The following UBE2E1 variants were observed in gnomAD, a reference collection of about 807,000 sequenced individuals.
The protein encoded by UBE2E1 is ubiquitin conjugating enzyme E2 E1, also known as ubiquitin-conjugating enzyme E2 E1.
In UBE2E1, 6 loss-of-function variants were observed where a neutral mutation model predicts 21.4. That is an observed-to-expected ratio of 0.28 (90% CI 0.15 to 0.55). The LOEUF (loss-of-function observed/expected upper bound fraction) is 0.55. Ranked by LOEUF, UBE2E1 falls within the 20% of genes least tolerant of loss-of-function variation. The pLI is 0.93. For synonymous variants in UBE2E1, 87 were observed against 82.7 expected (o/e 1.05, Z -0.28); for missense variants, 142 against 236.5 (o/e 0.60, Z 2.62).
At chr3:23,857,357 A>G (rs1700464976) in intron 3 of UBE2E1, among the ~76,000 whole-genome samples, 1 of 152,224 alleles carries the variant, frequency 6.6e-6, no homozygotes, top group Non-Finnish European at 1.5e-5. Context: ...TATCTTAGAA[A>G]GAAGCACACA....
rs930257008 is a variant in UBE2E1, at chr3:23,836,144, C to T, written c.203+24634C>T. On this transcript the variant is annotated intron_variant, in intron 3 of 5. Coordinates refer to ENST00000306627, the MANE Select transcript of UBE2E1 (RefSeq NM_003341.5). This position sits in a 1 kb window ranked among gnomAD's most constrained non-coding sequence, Gnocchi z 4.1. ...AGGATATAGATGAAATACATTGAAA[C>T]AGCAAGAAGTTAAAGCATTTTAAAA... 6.6e-6 allele frequency among the ~76,000 whole-genome samples: 1 copy of T among 152,138 alleles called. No individual in the cohort carries two copies. Among genetic ancestry groups the T allele is most frequent in the Non-Finnish European group, 1.5e-5 (1 of 68,014 alleles).
intron 3 of UBE2E1, among the ~76,000 whole-genome samples, chr3:23,860,216 G>A (rs889563067): frequency 6.6e-6 from 1 of 152,184 alleles, no homozygotes; most frequent in Admixed American, 6.5e-5. Context: ...GAAGATGAAC[G>A]TTCTGACCCG....
At position 23,810,022 on chromosome 3, in the gene UBE2E1, C is replaced by CT. The variant is rs1210766025; in HGVS notation, c.153-1437dup. 6.6e-6 allele frequency among the ~76,000 whole-genome samples: 1 copy of CT among 152,192 alleles called. No individual in the cohort carries two copies. The highest frequency in any genetic ancestry group is 6.5e-5 in the Admixed American group (1 of 15,278). On this transcript the variant is annotated intron_variant, in intron 2 of 5. Transcript: ENST00000306627. The surrounding 1 kb of genome is among the most constrained non-coding windows in gnomAD (Gnocchi z 5.8). ...CCTCCAGTAGGAAGGTTTATAGAAC[C>CT]TCCCCCAGTCGTCGTCCTTAAAACC...
intron 3 of UBE2E1, among the ~76,000 whole-genome samples, chr3:23,847,529 C>CT (rs1345127084): frequency 8.1e-6 from 1 of 122,942 alleles, no homozygotes; most frequent in Non-Finnish European, 1.6e-5. Flanking sequence ...GAGTCTCGCT[C>CT]TGTCACCCAG....
At chr3:23,852,810 G>A (rs1700354470) in intron 3 of UBE2E1, among the ~76,000 whole-genome samples, 1 of 152,064 alleles carries the variant, frequency 6.6e-6, no homozygotes, top group Non-Finnish European at 1.5e-5. Flanking sequence ...TCACCATGTT[G>A]CCCAGGCTGG....
chr3:23,826,697 A>G (rs942757455), intron 3 of UBE2E1, among the ~76,000 whole-genome samples: 1 of 152,170 alleles, frequency 6.6e-6, no homozygotes, highest in Non-Finnish European at 1.5e-5. Context: ...TTTGGTAGAT[A>G]CTTTTGTGGA....
At chr3:23,889,873 T>C (rs1423820033) in intron 5 of UBE2E1, 5 of 466,926 alleles carry the variant, frequency 1.1e-5, no homozygotes, top group Non-Finnish European at 1.4e-5. Flanking sequence ...CCAGCCTGGG[T>C]GGCAAAGCGA....
chr3:23,818,015 G>A (rs901434374), intron 3 of UBE2E1, among the ~76,000 whole-genome samples: 1 of 152,172 alleles, frequency 6.6e-6, no homozygotes, highest in Non-Finnish European at 1.5e-5. Context: ...AGTAGTTAAG[G>A]TGGAAGGTCA....
chr3:23,827,239 G>A (rs1425497777), intron 3 of UBE2E1, among the ~76,000 whole-genome samples: 1 of 151,886 alleles, frequency 6.6e-6, no homozygotes, highest in Non-Finnish European at 1.5e-5. Context: ...GGTGAATTTT[G>A]GTAATTCTAA....
In UBE2E1 at chr3:23,810,070, G is replaced by A. The variant is rs73050576; in HGVS notation, c.153-1390G>A. Reference sequence around the variant, plus strand: ...ACCTGTTCCTCATTACATATAGCTCGTCCGTCCTCCTACCCGCAGAAAACC... The same window carrying A: ...ACCTGTTCCTCATTACATATAGCTCATCCGTCCTCCTACCCGCAGAAAACC... On this transcript the variant is annotated intron_variant, in intron 2 of 5. Transcript: ENST00000306627. This position sits in a 1 kb window ranked among gnomAD's most constrained non-coding sequence, Gnocchi z 5.8. Among the ~76,000 whole-genome samples the A allele has an allele frequency of 0.012, 1,842 of 152,242 alleles. 35 individuals carry two copies. Among genetic ancestry groups the A allele is most frequent in the Non-Finnish European group, 0.015 (1,025 of 68,022 alleles).
At chr3:23,825,473 T>C (rs6784101) in intron 3 of UBE2E1, among the ~76,000 whole-genome samples, 118,744 of 152,190 alleles carry the variant, frequency 0.78, 46,829 homozygotes, top group African/African-American at 0.87. Flanking sequence ...ACTGTCTCTG[T>C]GCTCATGGAG....
At chr3:23,862,385 A>G (rs774403544) in intron 3 of UBE2E1, among the ~76,000 whole-genome samples, 1 of 152,248 alleles carries the variant, frequency 6.6e-6, no homozygotes, top group South Asian at 2.1e-4. Flanking sequence ...CTGTAAGCAT[A>G]ACTTAGATAC....
chr3:23,836,314 TTC>T lies in UBE2E1; in HGVS notation c.203+24808_203+24809del, dbSNP rs1403822114. Among the ~76,000 whole-genome samples, 1 of 152,228 alleles carries T rather than the reference TTC, an allele frequency of 6.6e-6. No homozygotes were observed. Among genetic ancestry groups the T allele is most frequent in the African/African-American group, 2.4e-5 (1 of 41,466 alleles). On this transcript the variant is annotated intron_variant, in intron 3 of 5. Coordinates refer to ENST00000306627, the MANE Select transcript of UBE2E1 (RefSeq NM_003341.5). This position sits in a 1 kb window ranked among gnomAD's most constrained non-coding sequence, Gnocchi z 4.1. ...TTAGAATGCTATATAAAAAAAGAGT[TTC>T]TCTTTTCACTTAGTCCTCACAAGTT...
At chr3:23,878,519 G>T (rs1210940961) in intron 3 of UBE2E1, among the ~76,000 whole-genome samples, 1 of 152,252 alleles carries the variant, frequency 6.6e-6, no homozygotes, top group Non-Finnish European at 1.5e-5. Flanking sequence ...GATGAGCAGT[G>T]GGTGGGCAGG....
rs759418034 is a variant in UBE2E1, at chr3:23,842,246, T to TGTGTGTGTGTGTGTGTG, written c.203+30739_203+30740insTGTGTGTGTGTGTGGTG. Among the ~76,000 whole-genome samples the TGTGTGTGTGTGTGTGTG allele has an allele frequency of 1.2e-3, 43 of 36,754 alleles. No homozygotes were observed. Among genetic ancestry groups the TGTGTGTGTGTGTGTGTG allele is most frequent in the African/African-American group, 2.5e-3 (32 of 12,752 alleles). The allele number at this position is 36,754 out of a possible 152,430, so 24.1% of individuals were successfully genotyped here. ...GTGTGTGTGTGTGTGTGTGTGTGTGTGTGGTGTTGTTGTTGTTGGCGACAG... is the reference window on the plus strand; with the variant it reads ...GTGTGTGTGTGTGTGTGTGTGTGTGTGTGTGTGTGTGTGTGTGGTGGTGTTGTTGTTGTTGGCGACAG... On this transcript the variant is annotated intron_variant, in intron 3 of 5. Transcript: ENST00000306627. This position sits in a 1 kb window ranked among gnomAD's most constrained non-coding sequence, Gnocchi z 4.6.
At chr3:23,878,698 T>C (rs1700973415) in intron 3 of UBE2E1, among the ~76,000 whole-genome samples, 1 of 152,188 alleles carries the variant, frequency 6.6e-6, no homozygotes, top group Admixed American at 6.5e-5. Context: ...GGTTGCGTGC[T>C]CCTTATGAGA....
At chr3:23,807,917 A>T (rs1425554081) in intron 2 of UBE2E1, 2 of 152,358 alleles carry the variant, frequency 1.3e-5, no homozygotes. Flanking sequence ...TACAAAATTT[A>T]GTAGGTGAAG....
chr3:23,882,260 A>G (rs1316863006), intron 3 of UBE2E1, among the ~76,000 whole-genome samples: 1 of 149,976 alleles, frequency 6.7e-6, no homozygotes. Context: ...GTCTGCTTTG[A>G]CAGGGTGCTG....
chr3:23,888,613 G>GT (rs1233403279), intron 4 of UBE2E1, among the ~76,000 whole-genome samples: 1 of 152,210 alleles, frequency 6.6e-6, no homozygotes, highest in East Asian at 1.9e-4. Flanking sequence ...AGGACCTGAT[G>GT]TAACGGTCAG....
Sources: allele counts gnomAD v4.1 joint callset (sites outside exome capture counted in the v4.1 genomes callset), GRCh38; gene constraint gnomAD v4.1.1; non-coding constraint Gnocchi (gnomAD v3.1); transcripts MANE v1.5; gene names NCBI Gene and HGNC (gene_info 2026-07-23, HGNC 2026-07-21).